The following TIMELESS variants were observed in gnomAD, a reference collection of about 807,000 sequenced individuals.
The protein encoded by TIMELESS is timeless circadian regulator.
A neutral mutation model predicts 164.3 loss-of-function variants in TIMELESS; 124 were observed. That is an observed-to-expected ratio of 0.75 (90% CI 0.65 to 0.88). TIMELESS has a LOEUF of 0.88. Among genes scored for constraint, TIMELESS ranks in the 40% least tolerant of loss-of-function variants. The pLI is 0.00. For synonymous variants in TIMELESS, 564 were observed against 563.4 expected (o/e 1.00, Z -0.02); for missense variants, 1,422 against 1,491.4 (o/e 0.95, Z 0.77).
chr12:56,435,310 G>A (rs563345022), intron 1 of TIMELESS, among the ~76,000 whole-genome samples: 1 of 151,750 alleles, frequency 6.6e-6, no homozygotes, highest in South Asian at 2.1e-4. Flanking sequence ...GGAGTGAATA[G>A]AAACTGGTAC....
intron 1 of TIMELESS, among the ~76,000 whole-genome samples, chr12:56,445,307 C>A (rs1402102937): frequency 6.7e-6 from 1 of 149,888 alleles, no homozygotes; most frequent in Non-Finnish European, 1.5e-5. Flanking sequence ...TGCCTGTAAT[C>A]CCAGCTACTT....
chr12:56,422,773 A>T, intron 19 of TIMELESS, 74 bp downstream of exon 19: 2 of 1,489,310 alleles, frequency 1.3e-6, no homozygotes. Context: ...CAAGCTCTTA[A>T]CAGCTTTGAC....
chr12:56,428,604 A>T lies in TIMELESS; in HGVS notation c.1353T>A (p.Asn451Lys), dbSNP rs1881756986. 2 of 1,614,136 alleles carry T rather than the reference A, an allele frequency of 1.2e-6. No homozygotes were observed. Among genetic ancestry groups the T allele is most frequent in the Non-Finnish European group, 8.5e-7 (1 of 1,180,008 alleles). The change falls in exon 12 of 29, where the codon AAT becomes AAA. Residue 451 changes from asparagine (N) to lysine (K), a missense_variant. By Grantham distance (94) the Asn-to-Lys change is moderately conservative. Transcript: ENST00000553532. ...CCTCATCTGGAGATATGTCCATCTC[A>T]TTCACTGTTGCCAGCAGCTCCTGAT... Reference protein sequence around the residue: ...KAYQELLATVNEMDISPDEAV... With the variant: ...KAYQELLATVKEMDISPDEAV...
chr12:56,442,208 G>C (rs923214211), intron 1 of TIMELESS, among the ~76,000 whole-genome samples: 17 of 151,760 alleles, frequency 1.1e-4, no homozygotes, highest in African/African-American at 4.1e-4. Context: ...TAAAAAACTA[G>C]TACTCTTTTC....
In TIMELESS at chr12:56,434,063, A is replaced by G; in HGVS notation, c.97+11T>C. 6.2e-7 allele frequency: 1 copy of G among 1,613,706 alleles called. No individual in the cohort carries two copies. Among genetic ancestry groups the G allele is most frequent in the Non-Finnish European group, 8.5e-7 (1 of 1,179,618 alleles). Reference sequence around the variant, plus strand: ...CCAATTTTTTTCCTGTTTCATCAAAAAGGTACTCACCTAAGCAATCTGGTT... The same window carrying G: ...CCAATTTTTTTCCTGTTTCATCAAAGAGGTACTCACCTAAGCAATCTGGTT... On this transcript the variant is annotated intron_variant, in intron 2 of 28. Transcript: ENST00000553532.
At chr12:56,427,952 C>T (rs991734044) in intron 13 of TIMELESS, among the ~76,000 whole-genome samples, 1 of 152,100 alleles carries the variant, frequency 6.6e-6, no homozygotes, top group Non-Finnish European at 1.5e-5. Context: ...AATTATTAGA[C>T]TCTAAAATTA....
chr12:56,422,131 C>T lies in TIMELESS; in HGVS notation c.2499G>A (p.Leu833=). 1.2e-6 allele frequency: 2 copies of T among 1,614,156 alleles called. No individual in the cohort carries two copies. The highest frequency in any genetic ancestry group is 1.7e-5 in the Admixed American group (1 of 60,020). Reference sequence around the variant, plus strand: ...CTTCCACGTCCTTATTGGCGAGGTACAGCTCCCGAAGATGAGCCTCTTCTT... The same window carrying T: ...CTTCCACGTCCTTATTGGCGAGGTATAGCTCCCGAAGATGAGCCTCTTCTT... ...SPEEEAHLRE[L]YLANKDVEGQ... is the part of the protein sequence containing the mutation. Residue 833 remains leucine, a synonymous_variant, in exon 20 of 29, where the codon CTG becomes CTA. Transcript: ENST00000553532.
chr12:56,426,163 G>A (rs896196112), intron 13 of TIMELESS, among the ~76,000 whole-genome samples: 17 of 152,312 alleles, frequency 1.1e-4, no homozygotes, highest in African/African-American at 3.1e-4. Flanking sequence ...TTGGGCACAT[G>A]CGCTACTGTG....
chr12:56,430,020 C>T (rs535243358), intron 10 of TIMELESS, 85 bp downstream of exon 10: 257 of 1,408,666 alleles, frequency 1.8e-4, no homozygotes, highest in Non-Finnish European at 2.4e-4. Flanking sequence ...CCCCGAGCTC[C>T]TCCCCACTTC....
At chr12:56,440,302 C>T (rs1868255984) in intron 1 of TIMELESS, among the ~76,000 whole-genome samples, 1 of 152,010 alleles carries the variant, frequency 6.6e-6, no homozygotes, top group Admixed American at 6.6e-5. Flanking sequence ...CCATGCCCAG[C>T]TAATTTTTGT....
At chr12:56,422,243 G>A in intron 19 of TIMELESS, 52 bp from the exon 20 acceptor site, 3 of 1,502,492 alleles carry the variant, frequency 2.0e-6, no homozygotes, top group East Asian at 2.3e-5. Context: ...CCAAAAAGAG[G>A]AGACCAAAGG....
At chr12:56,432,232 C>A (rs1881909281) in intron 7 of TIMELESS, 137 bp downstream of exon 7, 1 of 1,000,824 alleles carries the variant, frequency 1.0e-6, no homozygotes, top group Non-Finnish European at 1.5e-6. Flanking sequence ...GGGGGTACTA[C>A]TGAACTCAAG....
chr12:56,418,467 T>G (rs1055911392), intron 26 of TIMELESS, 108 bp from the exon 27 acceptor site: 50 of 757,508 alleles, frequency 6.6e-5, no homozygotes, highest in Non-Finnish European at 2.8e-5. Context: ...CCACAAGGGT[T>G]GTGAACTCTA....
chr12:56,420,048 A>ATATATATGTG (rs1473074484), intron 26 of TIMELESS, among the ~76,000 whole-genome samples: 11 of 87,334 alleles, frequency 1.3e-4, no homozygotes, highest in East Asian at 5.6e-4. Context: ...ATATATATAT[A>ATATATATGTG]TGTGTGTGTG....
intron 1 of TIMELESS, among the ~76,000 whole-genome samples, chr12:56,445,494 T>C (rs538775310): frequency 1.5e-4 from 20 of 137,154 alleles, no homozygotes; most frequent in African/African-American, 4.9e-4. Context: ...ATCCCAGCAC[T>C]TTGGGAGGCC....
chr12:56,421,217 A>AC (rs1555176633), intron 23 of TIMELESS, 83 bp from the exon 24 acceptor site: 87 of 1,589,332 alleles, frequency 5.5e-5, no homozygotes, highest in African/African-American at 3.1e-4. Flanking sequence ...TGACCACCGC[A>AC]CCCCCCCGCG....
chr12:56,427,402 C>T (rs1423031933), intron 13 of TIMELESS, among the ~76,000 whole-genome samples: 1 of 152,176 alleles, frequency 6.6e-6, no homozygotes, highest in East Asian at 1.9e-4. Flanking sequence ...GGATTACAGG[C>T]ATGAGCCACT....
At chr12:56,433,337 A>C in intron 5 of TIMELESS, 44 bp downstream of exon 5, 9 of 1,609,298 alleles carry the variant, frequency 5.6e-6, no homozygotes, top group Non-Finnish European at 7.7e-6. Flanking sequence ...GAGAAGGTGC[A>C]AAATGCTGTC....
At chr12:56,448,509 G>C (rs946200509) in intron 1 of TIMELESS, among the ~76,000 whole-genome samples, 23 of 151,638 alleles carry the variant, frequency 1.5e-4, no homozygotes, top group African/African-American at 5.3e-4. Context: ...GGCGGATCAC[G>C]AAGTCAGGAG....
Sources: gnomAD v4.1 joint callset for allele counts (sites outside exome capture counted in the v4.1 genomes callset) on GRCh38, gnomAD v4.1.1 for gene constraint, MANE v1.5 for transcripts, NCBI Gene and HGNC (gene_info 2026-07-23, HGNC 2026-07-21) for gene names.